Variants in DNAH10 observed in about 807,000 individuals in gnomAD.
The protein encoded by DNAH10 is dynein axonemal heavy chain 10.
In DNAH10, 348 loss-of-function variants were observed where a neutral mutation model predicts 506.6. The observed-to-expected ratio is 0.69, with a 90% CI of 0.63 to 0.75. The LOEUF (loss-of-function observed/expected upper bound fraction) is 0.75, where lower values mean the gene tolerates loss of function less well. DNAH10 is among the 30% of genes least tolerant of loss of function. The pLI is 0.00. For missense variants in DNAH10, 5,179 were observed against 5,787.1 expected (o/e 0.89, Z 3.41); for synonymous variants, 2,059 against 2,198.6 (o/e 0.94, Z 1.78).
chr12:123,847,098 AATCT>A (rs112026648), intron 32 of DNAH10, among the ~76,000 whole-genome samples: 13,412 of 151,494 alleles, frequency 0.089, 1,590 homozygotes, highest in African/African-American at 0.27. Context: ...CTATCTATCT[AATCT>A]ATCTATCTTA....
intron 24 of DNAH10, among the ~76,000 whole-genome samples, chr12:123,823,438 A>G (rs923760963): frequency 2.4e-4 from 36 of 152,130 alleles, no homozygotes; most frequent in Admixed American, 2.2e-3. Flanking sequence ...TTTTAGGACA[A>G]TTATAGAGGG....
At chr12:123,803,536 G>C (rs978181386) in intron 16 of DNAH10, 125 bp from the exon 17 acceptor site, 1 of 940,458 alleles carries the variant, frequency 1.1e-6, no homozygotes, top group Admixed American at 3.4e-5. Flanking sequence ...AAAGACCCAA[G>C]GGGTTGGAAT....
intron 45 of DNAH10, among the ~76,000 whole-genome samples, chr12:123,872,225 A>G (rs1373822585): frequency 6.6e-6 from 1 of 152,034 alleles, no homozygotes; most frequent in East Asian, 1.9e-4. Flanking sequence ...GGGGTCGGAT[A>G]TGTACCTGGC....
At chr12:123,816,522 C>A (rs924013728) in intron 21 of DNAH10, among the ~76,000 whole-genome samples, 1 of 152,102 alleles carries the variant, frequency 6.6e-6, no homozygotes, top group African/African-American at 2.4e-5. Context: ...GCTCTGTGCA[C>A]CCCCCAACCC....
In DNAH10 at chr12:123,928,080, T is replaced by G; in HGVS notation, c.12106-307T>G. Reference sequence around the variant, plus strand: ...GGTCTCTTGCAGCCCTGCTCAGGAGTCCTCAGGGGACAGGAGCGACTGTGT... The same window carrying G: ...GGTCTCTTGCAGCCCTGCTCAGGAGGCCTCAGGGGACAGGAGCGACTGTGT... On this transcript the variant is annotated intron_variant, in intron 69 of 78. Transcript: ENST00000673944. The surrounding 1 kb of genome is among the most constrained non-coding windows in gnomAD (Gnocchi z 4.9). 2.1e-6 allele frequency: 1 copy of G among 482,728 alleles called. No individual in the cohort carries two copies. The highest frequency in any genetic ancestry group is 3.7e-6 in the Non-Finnish European group (1 of 268,588). 29.9% of individuals were successfully genotyped at this position (482,728 alleles called of 1,614,324 possible).
chr12:123,932,477 A>AC (rs1460844965), intron 76 of DNAH10: 1 of 182,824 alleles, frequency 5.5e-6, no homozygotes, highest in Non-Finnish European at 1.0e-5. Context: ...TTCGGTGGTT[A>AC]CCATTTTTTT....
chr12:123,809,678 C>CAACAACAACAACA (rs1390914792), intron 19 of DNAH10, among the ~76,000 whole-genome samples: 1 of 152,012 alleles, frequency 6.6e-6, no homozygotes. Context: ...ACAACAACAA[C>CAACAACAACAACA]ATATCATTTC....
chr12:123,919,926 G>T lies in DNAH10; in HGVS notation c.11506+977G>T, dbSNP rs954539119. On this transcript the variant is annotated intron_variant, in intron 65 of 78. Coordinates refer to ENST00000673944, the MANE Select transcript of DNAH10 (RefSeq NM_001372106.1). This position sits in a 1 kb window ranked among gnomAD's most constrained non-coding sequence, Gnocchi z 4.9. ...AGGCAATGCTCCTGTGAACATTTGT[G>T]TGCAGGTTTTTGTGTGAATGTGTGT... Among the ~76,000 whole-genome samples the T allele has an allele frequency of 2.0e-5, 3 of 152,220 alleles. No individual in the cohort carries two copies. The highest frequency in any genetic ancestry group is 4.8e-5 in the African/African-American group (2 of 41,438).
At chr12:123,908,235 C>T (rs1235409668) in intron 57 of DNAH10, 5 of 425,608 alleles carry the variant, frequency 1.2e-5, no homozygotes, top group Non-Finnish European at 2.4e-5. Context: ...TTCCTGTCTC[C>T]TCCCTGTCTC....
At chr12:123,802,958 G>A (rs537108800) in intron 16 of DNAH10, among the ~76,000 whole-genome samples, 7 of 151,958 alleles carry the variant, frequency 4.6e-5, no homozygotes, top group African/African-American at 1.7e-4. Context: ...AGCATCCTTG[G>A]TATACTCTAG....
In DNAH10 at chr12:123,830,684, G is replaced by A; in HGVS notation, c.4530G>A (p.Glu1510=). Reference sequence around the variant, plus strand: ...AGATTGTCACAGCAGCAATCAAGGAGGTTGCCATTGAGAAGGTAAGACTTC... The same window carrying A: ...AGATTGTCACAGCAGCAATCAAGGAAGTTGCCATTGAGAAGGTAAGACTTC... ...LNEIVTAAIK[E]VAIEKAVKEI... Residue 1510 remains glutamate, a synonymous_variant, in exon 26 of 79, where the codon GAG becomes GAA. Coordinates refer to ENST00000673944, the MANE Select transcript of DNAH10 (RefSeq NM_001372106.1). 1 of 1,610,402 alleles carries A rather than the reference G, an allele frequency of 6.2e-7. No homozygotes were observed. The highest frequency in any genetic ancestry group is 8.5e-7 in the Non-Finnish European group (1 of 1,178,420).
chr12:123,875,367 C>T lies in DNAH10; in HGVS notation c.8075C>T (p.Ala2692Val), dbSNP rs2137011057. 6.2e-7 allele frequency: 1 copy of T among 1,613,994 alleles called. No homozygotes were observed. The highest frequency in any genetic ancestry group is 1.6e-4 in the Middle Eastern group (1 of 6,062). Residue 2692 changes from alanine to valine, a missense_variant, in exon 47 of 79, where the codon GCT (alanine) becomes GTT (valine). Around this residue, in one of 3 missense-constraint regions of DNAH10, gnomAD observed 4,844 missense variants for 5,430.5 expected, o/e 0.89. Coordinates refer to ENST00000673944, the MANE Select transcript of DNAH10 (RefSeq NM_001372106.1). ...DLGFIAAMGK[A>V]GGGRNEVDPR... ...GGCTTTATTGCTGCAATGGGAAAGG[C>T]TGGAGGAGGCCGCAATGAAGTTGAC...
intron 69 of DNAH10, chr12:123,927,542 A>G (rs999618629): frequency 2.0e-5 from 3 of 152,458 alleles, no homozygotes; most frequent in Non-Finnish European, 4.4e-5. Context: ...TGAGCCAGTG[A>G]GCTTTCTTTG....
In DNAH10 at chr12:123,918,824, T is replaced by C. The variant is rs1217871545; in HGVS notation, c.11381T>C (p.Leu3794Pro). ...GTGAACTCCATGTACCAGTACTCCC[T>C]GATTGCCTTCTTAGAGGTCTTCAGG... ...ALVNSMYQYSLIAFLEVFRLS... is the reference protein window; with the variant it reads ...ALVNSMYQYSPIAFLEVFRLS... The change falls in exon 65 of 79, where the codon CTG (leucine) becomes CCG (proline). Residue 3794 changes from leucine (L) to proline (P), a missense_variant. Leu to Pro is a moderately conservative substitution (Grantham distance 98). This residue lies in a region of DNAH10 where 4,844 missense variants were observed against 5,430.5 expected (regional missense o/e 0.89). Coordinates refer to ENST00000673944, the MANE Select transcript of DNAH10 (RefSeq NM_001372106.1). 1.2e-6 allele frequency: 2 copies of C among 1,613,950 alleles called. No individual in the cohort carries two copies. The highest frequency in any genetic ancestry group is 1.7e-6 in the Non-Finnish European group (2 of 1,179,866).
Position 123,925,098 on chromosome 12 carries a change from G to A in DNAH10, c.11815G>A (p.Asp3939Asn), listed in dbSNP as rs763993965. The change falls in exon 68 of 79, where the codon GAT (aspartate) becomes AAT (asparagine). Residue 3939 changes from aspartate to asparagine, a missense_variant. Physicochemically the swap from Asp to Asn is conservative, Grantham distance 23. Coordinates refer to ENST00000673944, the MANE Select transcript of DNAH10 (RefSeq NM_001372106.1). This position sits in a 1 kb window ranked among gnomAD's most constrained non-coding sequence, Gnocchi z 4.0. The stretch of plus-strand genomic sequence containing the variant: ...GCAGTTTCCCGTCCCCTTGGGTTAC[G>A]ATAACAACATCACCCCTTTCCAGAA... ...LEQFPVPLGY[D>N]NNITPFQKLL... The A allele has an allele frequency of 4.3e-6, 7 of 1,613,896 alleles. No individual in the cohort carries two copies. The highest frequency in any genetic ancestry group is 2.2e-5 in the South Asian group (2 of 91,088).
At chr12:123,924,224 C>T in intron 66 of DNAH10, 54 bp from the exon 67 acceptor site, 1 of 1,538,212 alleles carries the variant, frequency 6.5e-7, no homozygotes, top group South Asian at 1.3e-5. Flanking sequence ...AGCAGAGTTG[C>T]TTGCTTTGTG....
chr12:123,903,463 G>A lies in DNAH10; in HGVS notation c.9815+350G>A, dbSNP rs1353828123. 1.3e-5 allele frequency among the ~76,000 whole-genome samples: 2 copies of A among 152,210 alleles called. No individual in the cohort carries two copies. On this transcript the variant is annotated intron_variant, in intron 57 of 78. Transcript: ENST00000673944. This position sits in a 1 kb window ranked among gnomAD's most constrained non-coding sequence, Gnocchi z 4.6. ...TAAGCAGGGGCAGGATGCTCACCAT[G>A]GGGCTGAGCCCTGCTGAAAACAGCT...
In DNAH10 at chr12:123,923,797, T is replaced by C; in HGVS notation, c.11541T>C (p.Phe3847=). ...AGAGGCACAAGCTACTCTTTTCTTT[T>C]AATATGACCATCAAGATAGAACAAG... ...LFERHKLLFS[F]NMTIKIEQAE... is the part of the protein sequence containing the mutation. The change falls in exon 66 of 79, where the codon TTT becomes TTC. Residue 3847 remains phenylalanine (F), a synonymous_variant. Transcript: ENST00000673944. 1.2e-6 allele frequency: 2 copies of C among 1,612,614 alleles called. No homozygotes were observed. Among genetic ancestry groups the C allele is most frequent in the Non-Finnish European group, 1.7e-6 (2 of 1,179,570 alleles).
chr12:123,860,709 A>G (rs1387806295), intron 38 of DNAH10, among the ~76,000 whole-genome samples: 1 of 152,220 alleles, frequency 6.6e-6, no homozygotes, highest in Non-Finnish European at 1.5e-5. Flanking sequence ...ATATATGAAT[A>G]TGTAATATGC....
Sources: gnomAD v4.1 joint callset for allele counts (sites outside exome capture counted in the v4.1 genomes callset) on GRCh38, gnomAD v4.1.1 for gene constraint, gnomAD v4.1.1 regional missense constraint, Gnocchi (gnomAD v3.1) non-coding constraint, MANE v1.5 for transcripts, NCBI Gene and HGNC (gene_info 2026-07-23, HGNC 2026-07-21) for gene names.